Variants in MYOF observed in about 807,000 individuals in gnomAD.
MYOF encodes myoferlin, also known as fer-1-like 3, myoferlin.
In MYOF, 244 loss-of-function variants were observed where a neutral mutation model predicts 284.2. The ratio of observed to expected loss-of-function variants is 0.86; its 90% CI spans 0.77 to 0.95. The LOEUF is 0.95. MYOF is among the 40% of genes least tolerant of loss of function. MYOF has a pLI of 0.00. For synonymous variants in MYOF, 904 were observed against 919.7 expected, an observed-to-expected ratio of 0.98 and a Z score of 0.31; for missense variants, 2,496 against 2,560.6, an observed-to-expected ratio of 0.97 and a Z score of 0.54.
rs746998161 is a variant in MYOF at position 93,401,550 on chromosome 10, AG to A, written c.991-7del. 1.2e-6 allele frequency: 2 copies of A among 1,613,770 alleles called. No homozygotes were observed. Among genetic ancestry groups the A allele is most frequent in the Middle Eastern group, 3.3e-4 (2 of 6,062 alleles). ...TCACGATCTCGTCTCTCAGGCTATT[AG>A]GGGCACATGATTTAAATTATACATA... On this transcript the variant is annotated splice_polypyrimidine_tract_variant and splice_region_variant and intron_variant, in intron 11 of 53. Transcript: ENST00000359263.
chr10:93,440,715 T>G (rs2134256756), intron 3 of MYOF, among the ~76,000 whole-genome samples: 1 of 152,308 alleles, frequency 6.6e-6, no homozygotes, highest in East Asian at 1.9e-4. Flanking sequence ...ACCTTGCAAA[T>G]TATTTACAGG....
In MYOF at chr10:93,336,029, T is replaced by C; in HGVS notation, c.4455A>G (p.Leu1485=). The C allele has an allele frequency of 6.8e-6, 11 of 1,614,012 alleles. No homozygotes were observed. The highest frequency in any genetic ancestry group is 9.3e-6 in the Non-Finnish European group (11 of 1,179,974). The change falls in exon 41 of 54, where the codon CTA becomes CTG. Residue 1485 remains leucine, a synonymous_variant. Transcript: ENST00000359263. ...GGCCCTCAAATTCTGCTACATTTTC[T>C]AGTTCACAATTATATATCTGAAAAC... ...YSKLKIYNCE[L]ENVAEFEGLT... is the part of the protein sequence containing the mutation.
intron 3 of MYOF, among the ~76,000 whole-genome samples, chr10:93,444,239 A>G (rs2056363487): frequency 6.6e-6 from 1 of 152,190 alleles, no homozygotes; most frequent in Non-Finnish European, 1.5e-5. Flanking sequence ...TCATAAACTC[A>G]CTTGTTCACT....
chr10:93,313,275 A>C, intron 50 of MYOF, 65 bp from the exon 51 acceptor site: 1 of 1,491,262 alleles, frequency 6.7e-7, no homozygotes, highest in Non-Finnish European at 9.2e-7. Flanking sequence ...TTCACAAGTG[A>C]ACAGAACGTT....
intron 9 of MYOF, among the ~76,000 whole-genome samples, chr10:93,403,565 G>C (rs1477760705): frequency 1.3e-5 from 2 of 152,190 alleles, no homozygotes; most frequent in Admixed American, 1.3e-4. Context: ...GAATTGCTGG[G>C]AAGAAGCCAA....
At chr10:93,472,681 T>C (rs895917801) in intron 1 of MYOF, among the ~76,000 whole-genome samples, 26 of 152,212 alleles carry the variant, frequency 1.7e-4, no homozygotes, top group African/African-American at 6.3e-4. Flanking sequence ...ACTGTACACT[T>C]AAAATAGTTA....
At chr10:93,464,087 A>T (rs1454688389) in intron 1 of MYOF, among the ~76,000 whole-genome samples, 3 of 152,176 alleles carry the variant, frequency 2.0e-5, no homozygotes, top group African/African-American at 7.2e-5. Flanking sequence ...AGTAAAGCAA[A>T]ATTACCCTCT....
intron 7 of MYOF, among the ~76,000 whole-genome samples, chr10:93,406,635 T>A (rs1847606446): frequency 6.6e-6 from 1 of 151,450 alleles, no homozygotes; most frequent in African/African-American, 2.4e-5. Flanking sequence ...CAGTGCCCCA[T>A]CTCTGTGCAG....
chr10:93,471,231 C>T (rs1220389849), intron 1 of MYOF, among the ~76,000 whole-genome samples: 1 of 152,190 alleles, frequency 6.6e-6, no homozygotes, highest in Non-Finnish European at 1.5e-5. Context: ...GCTATGTCAC[C>T]TCTGAGCTTC....
chr10:93,481,346 G>C (rs1022362069), intron 1 of MYOF, among the ~76,000 whole-genome samples: 4 of 152,140 alleles, frequency 2.6e-5, no homozygotes, highest in Non-Finnish European at 5.9e-5. Context: ...CAGGGTTGAG[G>C]AGCCACTGTG....
chr10:93,337,427 A>G (rs546744377), intron 40 of MYOF: 1 of 174,044 alleles, frequency 5.7e-6, no homozygotes, highest in South Asian at 1.8e-4. Flanking sequence ...AGCTTGTGAA[A>G]CCAATCCCTG....
intron 4 of MYOF, among the ~76,000 whole-genome samples, chr10:93,430,395 A>G (rs1848787901): frequency 6.6e-6 from 1 of 151,764 alleles, no homozygotes; most frequent in African/African-American, 2.4e-5. Flanking sequence ...CAGCCTAACC[A>G]ATATGGTGAA....
chr10:93,369,682 C>G lies in MYOF; in HGVS notation c.2552G>C (p.Ser851Thr). ...GACGGTGAAAGTTCCTTCTGCGAAG[C>G]TGTTAAACTTCTTCTCCACAGCACT... is the stretch of plus-strand genomic sequence containing the variant. ...GLSAVEKKFN[S>T]FAEGTFTVFA... The change falls in exon 25 of 54, where the codon AGC (serine) becomes ACC (threonine). Residue 851 changes from serine (S) to threonine (T), a missense_variant. By Grantham distance (58) the Ser-to-Thr change is moderately conservative (BLOSUM62 1). Coordinates refer to ENST00000359263, the MANE Select transcript of MYOF (RefSeq NM_013451.4). The G allele has an allele frequency of 6.2e-7, 1 of 1,614,210 alleles. No individual in the cohort carries two copies. The highest frequency in any genetic ancestry group is 8.5e-7 in the Non-Finnish European group (1 of 1,180,034).
At chr10:93,459,728 C>T (rs1383593410) in intron 1 of MYOF, among the ~76,000 whole-genome samples, 2 of 152,164 alleles carry the variant, frequency 1.3e-5, no homozygotes, top group Non-Finnish European at 2.9e-5. Context: ...TCCTGAAACT[C>T]TCCAAGATTA....
At chr10:93,381,170 G>A (rs755961994) in intron 20 of MYOF, 49 bp downstream of exon 20, 4 of 1,591,048 alleles carry the variant, frequency 2.5e-6, no homozygotes, top group South Asian at 2.2e-5. Flanking sequence ...CCGGTCCCGT[G>A]GTGCACCCAT....
chr10:93,364,895 A>G (rs1295160658), intron 26 of MYOF, among the ~76,000 whole-genome samples: 1 of 152,202 alleles, frequency 6.6e-6, no homozygotes, highest in East Asian at 1.9e-4. Context: ...TGAATTGGGC[A>G]TCACGTCTCT....
intron 27 of MYOF, 45 bp from the exon 28 acceptor site, chr10:93,361,602 TGTCA>T (rs1845077709): frequency 1.9e-6 from 3 of 1,599,900 alleles, no homozygotes; most frequent in South Asian, 2.2e-5. Flanking sequence ...TAAGCCATAG[TGTCA>T]GTAAGAGGCA....
At chr10:93,436,645 G>C (rs1849137517) in intron 3 of MYOF, among the ~76,000 whole-genome samples, 1 of 152,116 alleles carries the variant, frequency 6.6e-6, no homozygotes, top group African/African-American at 2.4e-5. Flanking sequence ...GGATAAGTCT[G>C]AGCTCTGCAG....
At chr10:93,440,949 T>C (rs952512777) in intron 3 of MYOF, among the ~76,000 whole-genome samples, 8 of 152,198 alleles carry the variant, frequency 5.3e-5, no homozygotes, top group African/African-American at 1.9e-4. Context: ...TCTCCCCGTA[T>C]AGAGACAGCC....
Sources: allele counts gnomAD v4.1 joint callset (sites outside exome capture counted in the v4.1 genomes callset), GRCh38; gene constraint gnomAD v4.1.1; transcripts MANE v1.5; gene names NCBI Gene and HGNC (gene_info 2026-07-23, HGNC 2026-07-21).